Variants in DNM3 observed in about 807,000 individuals in gnomAD.
DNM3 encodes the protein dynamin-3.
A neutral mutation model predicts 101.6 loss-of-function variants in DNM3; 47 were observed. The observed-to-expected ratio is 0.46, with a 90% CI of 0.37 to 0.59. The LOEUF is 0.59. Ranked by LOEUF, DNM3 falls within the 20% of genes least tolerant of loss-of-function variation. The probability of loss-of-function intolerance (pLI) is 0.00; values close to 1 mark genes in which losing one functional copy is unlikely to be tolerated. For synonymous variants in DNM3, 385 were observed against 387.9 expected, an observed-to-expected ratio of 0.99 and a Z score of 0.09; for missense variants, 849 against 1,085.7, an observed-to-expected ratio of 0.78 and a Z score of 3.06.
intron 16 of DNM3, chr1:172,310,528 T>C (rs548230784): frequency 1.3e-5 from 2 of 152,194 alleles, no homozygotes; most frequent in Non-Finnish European, 2.9e-5. Context: ...GCAAGCTTTA[T>C]TTTTGTCAAG....
chr1:172,103,114 C>T (rs190412765), intron 13 of DNM3, among the ~76,000 whole-genome samples: 1 of 152,174 alleles, frequency 6.6e-6, no homozygotes, highest in East Asian at 1.9e-4. Flanking sequence ...CCTTGACCCC[C>T]ACCCAATCCC....
chr1:172,263,486 AT>A (rs1410033560), intron 15 of DNM3, among the ~76,000 whole-genome samples: 3 of 152,206 alleles, frequency 2.0e-5, no homozygotes, highest in Non-Finnish European at 2.9e-5. Context: ...ATAAAGACAT[AT>A]CTGAGACTGG....
intron 4 of DNM3, 140 bp from the exon 5 acceptor site, chr1:172,032,262 C>A: frequency 1.5e-6 from 1 of 650,340 alleles, no homozygotes; most frequent in Non-Finnish European, 2.7e-6. Context: ...ACTCAAGTAG[C>A]ACTTAGAAAA....
chr1:171,961,498 G>GTAC (rs2043207910), intron 2 of DNM3, among the ~76,000 whole-genome samples: 1 of 152,108 alleles, frequency 6.6e-6, no homozygotes, highest in South Asian at 2.1e-4. Context: ...ATTATTGGTA[G>GTAC]GAATGGAAAT....
chr1:172,016,612 A>C lies in DNM3; in HGVS notation c.590-15790A>C, dbSNP rs116187237. Among the ~76,000 whole-genome samples, 516 of 152,302 alleles carry C rather than the reference A, an allele frequency of 3.4e-3. 3 individuals carry two copies. Among genetic ancestry groups the C allele is most frequent in the African/African-American group, 0.011 (476 of 41,560 alleles). ...TTGGTATTAGGGTAATGCTGGTTTTATAGAAAGAGTTAGTATTTCCTCTGA... is the reference window on the plus strand; with the variant it reads ...TTGGTATTAGGGTAATGCTGGTTTTCTAGAAAGAGTTAGTATTTCCTCTGA... On this transcript the variant is annotated intron_variant, in intron 4 of 20. Coordinates refer to ENST00000627582, the MANE Select transcript of DNM3 (RefSeq NM_015569.5).
intron 14 of DNM3, chr1:172,133,339 A>G (rs2057042082): frequency 3.0e-6 from 3 of 1,003,164 alleles, no homozygotes; most frequent in Non-Finnish European, 2.4e-6. Context: ...TAGCTTCCTT[A>G]TGAGTACTTG....
chr1:172,315,350 C>G (rs920339793), intron 16 of DNM3, among the ~76,000 whole-genome samples: 1 of 152,126 alleles, frequency 6.6e-6, no homozygotes, highest in Non-Finnish European at 1.5e-5. Context: ...TCCAAAGGAA[C>G]GCAGTTCCTC....
intron 1 of DNM3, among the ~76,000 whole-genome samples, chr1:171,920,007 T>A (rs2040030209): frequency 6.6e-6 from 1 of 152,240 alleles, no homozygotes; most frequent in Non-Finnish European, 1.5e-5. Flanking sequence ...ATTTGTAATT[T>A]CACTATTTTC....
intron 14 of DNM3, among the ~76,000 whole-genome samples, chr1:172,225,342 G>A (rs780000773): frequency 4.0e-5 from 6 of 151,388 alleles, no homozygotes; most frequent in Non-Finnish European, 8.8e-5. Flanking sequence ...TAACCATGTT[G>A]GCCAGGATGG....
chr1:171,970,549 G>C (rs1472295931), intron 2 of DNM3, among the ~76,000 whole-genome samples: 1 of 150,434 alleles, frequency 6.6e-6, no homozygotes, highest in Non-Finnish European at 1.5e-5. Context: ...AAATGTGATA[G>C]ATAGAAATAT....
intron 14 of DNM3, among the ~76,000 whole-genome samples, chr1:172,221,415 T>C (rs1027789533): frequency 1.3e-5 from 2 of 152,126 alleles, no homozygotes; most frequent in Non-Finnish European, 2.9e-5. Context: ...CTGTAATATA[T>C]ATGTTTTAAT....
At chr1:172,009,674 C>A (rs1156451025) in intron 4 of DNM3, among the ~76,000 whole-genome samples, 1 of 151,472 alleles carries the variant, frequency 6.6e-6, no homozygotes, top group East Asian at 1.9e-4. Context: ...TAGGAGAGAA[C>A]TGACTTAACA....
chr1:172,137,886 T>C (rs2057332390), intron 14 of DNM3: 1 of 152,148 alleles, frequency 6.6e-6, no homozygotes, highest in East Asian at 1.9e-4. Context: ...AAACTGAAGT[T>C]TGGATATTTT....
chr1:172,131,269 C>A lies in DNM3; in HGVS notation c.1640C>A (p.Ser547Tyr). 1 of 1,613,002 alleles carries A rather than the reference C, an allele frequency of 6.2e-7. No individual in the cohort carries two copies. Among genetic ancestry groups the A allele is most frequent in the South Asian group, 1.1e-5 (1 of 91,020 alleles). The change falls in exon 14 of 21, where the codon TCC (serine) becomes TAC (tyrosine). Residue 547 changes from serine (S) to tyrosine (Y), a missense_variant. Physicochemically the swap from Ser to Tyr is moderately radical, Grantham distance 144 (BLOSUM62 -2). This residue lies in a region of DNM3 where 193 missense variants were observed against 238.4 expected (regional missense o/e 0.81). Transcript: ENST00000627582. ...YWFVLTAESL[S>Y]WYKDDEEKEK... ...TTCGTCCTTACTGCGGAAAGCTTGTCCTGGTATAAAGATGATGAGGTAAGT... is the reference window on the plus strand; with the variant it reads ...TTCGTCCTTACTGCGGAAAGCTTGTACTGGTATAAAGATGATGAGGTAAGT...
chr1:171,952,234 T>G (rs1207822828), intron 2 of DNM3, among the ~76,000 whole-genome samples: 2 of 152,234 alleles, frequency 1.3e-5, no homozygotes, highest in Non-Finnish European at 2.9e-5. Flanking sequence ...GCTGCATTAA[T>G]GGAGATTATC....
At chr1:172,356,850 T>C (rs761372631) in intron 17 of DNM3, among the ~76,000 whole-genome samples, 6 of 151,950 alleles carry the variant, frequency 3.9e-5, no homozygotes, top group Non-Finnish European at 8.8e-5. Flanking sequence ...ATTCCAGGAC[T>C]GGGGCAGAGA....
chr1:172,290,561 G>T (rs540131968), intron 15 of DNM3, among the ~76,000 whole-genome samples: 1 of 152,116 alleles, frequency 6.6e-6, no homozygotes, highest in Non-Finnish European at 1.5e-5. Context: ...TTTTCCACTC[G>T]CCGTGAGAAG....
intron 1 of DNM3, 25 bp downstream of exon 1, chr1:171,841,842 G>C (rs762293371): frequency 5.0e-6 from 8 of 1,595,822 alleles, no homozygotes; most frequent in Middle Eastern, 2.3e-4. Context: ...CGCGGAGTAA[G>C]GATGCGGCAG....
intron 10 of DNM3, among the ~76,000 whole-genome samples, chr1:172,063,775 C>T (rs1180897447): frequency 1.6e-4 from 14 of 87,714 alleles, no homozygotes; most frequent in Admixed American, 4.8e-4. Flanking sequence ...GAGACTTTGT[C>T]AAAAAAAAAA....
Sources: gnomAD v4.1 joint callset for allele counts (sites outside exome capture counted in the v4.1 genomes callset) on GRCh38, gnomAD v4.1.1 for gene constraint, gnomAD v4.1.1 regional missense constraint, MANE v1.5 for transcripts, NCBI Gene and HGNC (gene_info 2026-07-23, HGNC 2026-07-21) for gene names.